Variants in PCDHGB2 observed in about 807,000 individuals in gnomAD.
PCDHGB2 encodes the protein protocadherin gamma subfamily B, 2, also known as protocadherin gamma-B2.
A neutral mutation model predicts 59.3 loss-of-function variants in PCDHGB2; 55 were observed. The ratio of observed to expected loss-of-function variants is 0.93; its 90% confidence interval spans 0.75 to 1.16. PCDHGB2 has a LOEUF of 1.16. Among genes scored for constraint, PCDHGB2 ranks in the 50% most tolerant of loss-of-function variants. The pLI is 0.00. For missense variants in PCDHGB2, 1,228 were observed against 1,198.5 expected, an observed-to-expected ratio of 1.02 and a Z score of -0.36; for synonymous variants, 516 against 512.0, an observed-to-expected ratio of 1.01 and a Z score of -0.11.
chr5:141,394,405 T>C, intron 1 of PCDHGB2: 2 of 1,614,222 alleles, frequency 1.2e-6, no homozygotes, highest in Non-Finnish European at 1.7e-6. Context: ...CTGCAGCTAC[T>C]GGTAACAGCC....
At chr5:141,389,785 ACGCCGTC>A (rs1561627912) in intron 1 of PCDHGB2, 1 of 1,613,332 alleles carries the variant, frequency 6.2e-7, no homozygotes. Context: ...GGCGACAGGG[ACGCCGTC>A]CGCCAGCGCC....
At chr5:141,415,114 G>T in intron 1 of PCDHGB2, 5 of 1,613,648 alleles carry the variant, frequency 3.1e-6, no homozygotes, top group Non-Finnish European at 4.2e-6. Flanking sequence ...GCAAAGCCTC[G>T]TAGTGGCCGT....
At chr5:141,372,826 C>G in intron 1 of PCDHGB2, 1 of 1,554,742 alleles carries the variant, frequency 6.4e-7, no homozygotes, top group Middle Eastern at 1.7e-4. Flanking sequence ...TTCTTCAAAC[C>G]TTTCCTTCCA....
intron 1 of PCDHGB2, among the ~76,000 whole-genome samples, chr5:141,465,576 C>T (rs1002696285): frequency 6.6e-6 from 1 of 152,136 alleles, no homozygotes; most frequent in Non-Finnish European, 1.5e-5. Context: ...TCTCAAAACA[C>T]TCTCATAATA....
In PCDHGB2 at chr5:141,419,493, A is replaced by G. The variant is rs1246204844; in HGVS notation, c.2421+56937A>G. 5.0e-6 allele frequency: 8 copies of G among 1,612,382 alleles called. No individual in the cohort carries two copies. The highest frequency in any genetic ancestry group is 1.7e-4 in the Middle Eastern group (1 of 5,978). On this transcript the variant is annotated intron_variant, in intron 1 of 3. Coordinates refer to ENST00000522605, the MANE Select transcript of PCDHGB2 (RefSeq NM_018923.3). ...CAGGGCTCGCCCGCGCTCAGCGCCA[A>G]TGTGAGCCTGCGCGTGTTGGTGGGC...
chr5:141,404,909 C>G, intron 1 of PCDHGB2: 1 of 1,613,916 alleles, frequency 6.2e-7, no homozygotes, highest in Non-Finnish European at 8.5e-7. Flanking sequence ...TGGCCAGCCC[C>G]CTCTCTCGGC....
At chr5:141,509,872 G>A (rs968745661) in intron 3 of PCDHGB2, among the ~76,000 whole-genome samples, 1 of 152,166 alleles carries the variant, frequency 6.6e-6, no homozygotes, top group Non-Finnish European at 1.5e-5. Context: ...CCAAGCTGCT[G>A]GTGGTGATGG....
chr5:141,407,808 C>T (rs1182707356), intron 1 of PCDHGB2, among the ~76,000 whole-genome samples: 1 of 152,136 alleles, frequency 6.6e-6, no homozygotes, highest in Non-Finnish European at 1.5e-5. Context: ...ATAGAAATAT[C>T]TACTATAATA....
intron 1 of PCDHGB2, chr5:141,403,959 C>T (rs1415465011): frequency 2.5e-6 from 4 of 1,613,568 alleles, no homozygotes; most frequent in Non-Finnish European, 3.4e-6. Context: ...GTGCTCATTT[C>T]GGTGGAAGAT....
At position 141,480,425 on chromosome 5, in the gene PCDHGB2, AT is replaced by A. The variant is rs553131122; in HGVS notation, c.2422-14380del. On this transcript the variant is annotated intron_variant, in intron 1 of 3. Transcript: ENST00000522605. ...GTGAGACCCTGTCTCAAAAAAAAAA[AT>A]TATCAGCTATTACTATAATTATTTT... 2.3e-4 allele frequency among the ~76,000 whole-genome samples: 34 copies of A among 149,340 alleles called. 1 individual carries two copies. In the South Asian group the frequency reaches 6.0e-3, roughly 26 times the overall value.
chr5:141,480,402 G>A (rs1268532373), intron 1 of PCDHGB2, among the ~76,000 whole-genome samples: 2 of 145,838 alleles, frequency 1.4e-5, no homozygotes, highest in African/African-American at 2.6e-5. Flanking sequence ...GCAATAGAGT[G>A]AGACCCTGTC....
chr5:141,370,817 A>C, intron 1 of PCDHGB2: 1 of 1,614,046 alleles, frequency 6.2e-7, no homozygotes, highest in Non-Finnish European at 8.5e-7. Context: ...CTGAGCTGGA[A>C]ATCAGCGAAC....
At chr5:141,433,045 C>T (rs1183696623) in intron 1 of PCDHGB2, 1 of 1,614,196 alleles carries the variant, frequency 6.2e-7, no homozygotes, top group South Asian at 1.1e-5. Flanking sequence ...TCACCACGGA[C>T]TCGCGGAAGA....
intron 1 of PCDHGB2, among the ~76,000 whole-genome samples, chr5:141,467,814 A>G (rs2099152300): frequency 6.6e-6 from 1 of 151,978 alleles, no homozygotes; most frequent in Non-Finnish European, 1.5e-5. Flanking sequence ...ACATGCCACC[A>G]CACCAGGCTG....
intron 1 of PCDHGB2, chr5:141,413,635 A>C: frequency 6.2e-7 from 1 of 1,613,888 alleles, no homozygotes; most frequent in Non-Finnish European, 8.5e-7. Context: ...CGCTGCGGGA[A>C]TGCGTTTTCC....
intron 1 of PCDHGB2, chr5:141,413,829 C>T (rs923860929): frequency 1.1e-5 from 18 of 1,613,176 alleles, no homozygotes; most frequent in Non-Finnish European, 1.4e-5. Flanking sequence ...TCCTCACCGC[C>T]TCCGACGGGG....
chr5:141,387,721 C>A, intron 1 of PCDHGB2: 2 of 1,151,790 alleles, frequency 1.7e-6, no homozygotes, highest in Non-Finnish European at 2.4e-6. Context: ...CTCAGACTCC[C>A]CAGCGCCAGC....
chr5:141,436,840 C>T (rs1195342311), intron 1 of PCDHGB2, among the ~76,000 whole-genome samples: 1 of 152,220 alleles, frequency 6.6e-6, no homozygotes, highest in Admixed American at 6.5e-5. Flanking sequence ...TGCCTAGGCA[C>T]ATTCTTGATT....
At chr5:141,427,997 A>C (rs1471083920) in intron 1 of PCDHGB2, 2 of 1,600,232 alleles carry the variant, frequency 1.2e-6, no homozygotes, top group African/African-American at 2.7e-5. Flanking sequence ...ATGGCTCCGC[A>C]CTCTTCGATA....
Sources: allele counts gnomAD v4.1 joint callset (sites outside exome capture counted in the v4.1 genomes callset), GRCh38; gene constraint gnomAD v4.1.1; transcripts MANE v1.5; gene names NCBI Gene and HGNC (gene_info 2026-07-23, HGNC 2026-07-21).